Variants in YEATS2 observed in about 807,000 individuals in gnomAD.
YEATS2 encodes the protein YEATS domain containing 2.
YEATS2 carries 77 observed loss-of-function variants against 163.2 expected under a neutral mutation model. That is an observed-to-expected ratio of 0.47 (90% CI 0.39 to 0.57). YEATS2 has a LOEUF of 0.57. Among genes scored for constraint, YEATS2 ranks in the 20% least tolerant of loss-of-function variants. The pLI is 0.00. For synonymous variants in YEATS2, 631 were observed against 645.1 expected (o/e 0.98, Z 0.33); for missense variants, 1,549 against 1,729.8 (o/e 0.90, Z 1.85).
At chr3:183,794,717 G>C (rs1187481948) in intron 21 of YEATS2, among the ~76,000 whole-genome samples, 1 of 152,172 alleles carries the variant, frequency 6.6e-6, no homozygotes, top group Non-Finnish European at 1.5e-5. Context: ...CCATGCCAAA[G>C]TCAAAAACTC....
Position 183,756,511 on chromosome 3 carries a change from T to A in YEATS2, c.1391-17T>A. The A allele has an allele frequency of 6.5e-7, 1 of 1,533,922 alleles. No homozygotes were observed. The highest frequency in any genetic ancestry group is 8.8e-7 in the Non-Finnish European group (1 of 1,141,902). On this transcript the variant is annotated splice_polypyrimidine_tract_variant and intron_variant, in intron 11 of 30. Coordinates refer to ENST00000305135, the MANE Select transcript of YEATS2 (RefSeq NM_018023.5). ...ATATGTGTATTTTGTTTGTATTCTC[T>A]CTTTTTAATTAATAAGGTTCCCCAA...
intron 6 of YEATS2, among the ~76,000 whole-genome samples, chr3:183,724,836 C>T (rs774704198): frequency 4.3e-4 from 65 of 152,120 alleles, no homozygotes; most frequent in Non-Finnish European, 1.9e-4. Flanking sequence ...TCCCCCCGCC[C>T]GGGTTCAAGC....
At chr3:183,761,431 T>C in intron 13 of YEATS2, 76 bp from the exon 14 acceptor site, 1 of 1,297,658 alleles carries the variant, frequency 7.7e-7, no homozygotes, top group Non-Finnish European at 1.1e-6. Context: ...CACAGGTTTG[T>C]ATTAAATATA....
At chr3:183,753,525 A>T (rs1053852180) in intron 10 of YEATS2, among the ~76,000 whole-genome samples, 4 of 152,178 alleles carry the variant, frequency 2.6e-5, no homozygotes, top group Non-Finnish European at 4.4e-5. Flanking sequence ...AAACCATCGG[A>T]TCACCTGAGG....
At chr3:183,765,189 C>G (rs570833396) in intron 15 of YEATS2, among the ~76,000 whole-genome samples, 1 of 152,318 alleles carries the variant, frequency 6.6e-6, no homozygotes, top group African/African-American at 2.4e-5. Context: ...GTCATCTGAA[C>G]TTCCTACTCA....
At chr3:183,712,209 T>TTATGTTATGTTATGTTATGTTATGTTATG (rs1560220708) in intron 1 of YEATS2, among the ~76,000 whole-genome samples, 1 of 103,642 alleles carries the variant, frequency 9.6e-6, no homozygotes, top group African/African-American at 3.7e-5. Flanking sequence ...TTTATTTTAT[T>TTATGTTATGTTATGTTATGTTATGTTATG]TTATTTTATT....
intron 20 of YEATS2, among the ~76,000 whole-genome samples, chr3:183,789,243 G>A (rs1447491156): frequency 1.3e-5 from 2 of 152,092 alleles, no homozygotes; most frequent in African/African-American, 4.8e-5. Flanking sequence ...TCTTGTAGTA[G>A]TTTCGTAGTT....
chr3:183,792,341 T>C (rs1394268856), intron 21 of YEATS2, among the ~76,000 whole-genome samples: 3 of 152,032 alleles, frequency 2.0e-5, no homozygotes, highest in African/African-American at 7.3e-5. Flanking sequence ...TTCCCCTCCC[T>C]GTGTCGATGT....
In YEATS2 at chr3:183,798,039, C is replaced by T. The variant is rs1265741115; in HGVS notation, c.3214C>T (p.Pro1072Ser). ...TSGGVQTILM[P>S]VNKVVQSFST... ...TGGAGGGGTGCAGACGATCCTGATG[C>T]CTGTGAATAAAGGTGAGTCCCTTGC... Residue 1072 changes from proline to serine, a missense_variant, in exon 22 of 31, where the codon CCT (proline) becomes TCT (serine). Coordinates refer to ENST00000305135, the MANE Select transcript of YEATS2 (RefSeq NM_018023.5). 9 of 1,613,746 alleles carry T rather than the reference C, an allele frequency of 5.6e-6. No homozygotes were observed. Among genetic ancestry groups the T allele is most frequent in the East Asian group, 2.2e-5 (1 of 44,886 alleles).
At chr3:183,806,805 G>C in intron 27 of YEATS2, 61 bp from the exon 28 acceptor site, 1 of 1,563,178 alleles carries the variant, frequency 6.4e-7, no homozygotes, top group Non-Finnish European at 8.8e-7. Flanking sequence ...GTCTCTTGGA[G>C]ACGGAAAGTC....
Position 183,781,334 on chromosome 3 carries a change from T to C in YEATS2, c.2736+3634T>C, listed in dbSNP as rs550936995. On this transcript the variant is annotated intron_variant, in intron 19 of 30. Transcript: ENST00000305135. The stretch of plus-strand genomic sequence containing the variant: ...GGCCTGAGAACCAGGAGCTCTGATG[T>C]CTAAGGGTAGGAGAAGATTGATGTC... Among the ~76,000 whole-genome samples the C allele has an allele frequency of 2.6e-5, 4 of 152,260 alleles. No individual in the cohort carries two copies. The East Asian group carries it at 7.7e-4, about 29-fold the overall frequency.
At chr3:183,796,949 G>A (rs1014456397) in intron 21 of YEATS2, among the ~76,000 whole-genome samples, 3 of 151,934 alleles carry the variant, frequency 2.0e-5, no homozygotes, top group Non-Finnish European at 4.4e-5. Flanking sequence ...TAATCATTAC[G>A]GGCAGGCACA....
chr3:183,784,497 A>G (rs1007835321), intron 19 of YEATS2, among the ~76,000 whole-genome samples: 3 of 152,182 alleles, frequency 2.0e-5, no homozygotes, highest in Non-Finnish European at 4.4e-5. Flanking sequence ...GATTCTGGAT[A>G]TTAGACCTTT....
chr3:183,795,005 TA>T (rs10636195), intron 21 of YEATS2, among the ~76,000 whole-genome samples: 71 of 144,180 alleles, frequency 4.9e-4, no homozygotes, highest in Non-Finnish European at 5.6e-4. Context: ...CCCCATTTCT[TA>T]AAAAAAAAAA....
intron 23 of YEATS2, 37 bp downstream of exon 23, chr3:183,799,026 T>G (rs548017040): frequency 6.6e-7 from 1 of 1,521,106 alleles, no homozygotes; most frequent in African/African-American, 1.4e-5. Flanking sequence ...TCCAGAAGTT[T>G]TGTTACTTTT....
intron 1 of YEATS2, among the ~76,000 whole-genome samples, chr3:183,698,661 ACAT>A (rs1158869255): frequency 5.9e-5 from 9 of 152,328 alleles, no homozygotes; most frequent in East Asian, 1.9e-4. Flanking sequence ...CAGGCCTGAC[ACAT>A]CATTTTTTTT....
chr3:183,777,938 C>A (rs1723160086), intron 19 of YEATS2, among the ~76,000 whole-genome samples: 1 of 151,210 alleles, frequency 6.6e-6, no homozygotes, highest in African/African-American at 2.4e-5. Context: ...ATAGTGAAAC[C>A]CCGTCTCTAC....
chr3:183,715,836 C>T (rs1249084881), intron 2 of YEATS2, among the ~76,000 whole-genome samples: 1 of 152,152 alleles, frequency 6.6e-6, no homozygotes, highest in Non-Finnish European at 1.5e-5. Flanking sequence ...AATTAAGGTT[C>T]AGAGACATCA....
chr3:183,727,006 G>A (rs1261217136), intron 6 of YEATS2, among the ~76,000 whole-genome samples: 3 of 152,084 alleles, frequency 2.0e-5, no homozygotes, highest in Non-Finnish European at 4.4e-5. Context: ...TCACTGTGTT[G>A]ATCAGGCTGG....
Sources: gnomAD v4.1 joint callset for allele counts (sites outside exome capture counted in the v4.1 genomes callset) on GRCh38, gnomAD v4.1.1 for gene constraint, MANE v1.5 for transcripts, NCBI Gene and HGNC (gene_info 2026-07-23, HGNC 2026-07-21) for gene names.